Variants in FRMD3 observed in about 807,000 individuals in gnomAD.
FRMD3 encodes FERM domain containing 3.
A neutral mutation model predicts 70.2 loss-of-function variants in FRMD3; 33 were observed. That is an observed-to-expected ratio of 0.47 (90% CI 0.36 to 0.63). The LOEUF (loss-of-function observed/expected upper bound fraction) is 0.63. FRMD3 is among the 20% of genes least tolerant of loss of function. FRMD3 has a pLI of 0.00. For missense variants in FRMD3, 632 were observed against 711.4 expected (o/e 0.89, Z 1.27); for synonymous variants, 279 against 255.9 (o/e 1.09, Z -0.86).
intron 4 of FRMD3, among the ~76,000 whole-genome samples, chr9:83,345,617 C>T (rs748383365): frequency 6.6e-6 from 1 of 151,808 alleles, no homozygotes; most frequent in Non-Finnish European, 1.5e-5. Context: ...ATTAGTCGGG[C>T]GTGGTGGTGG....
chr9:83,550,687 A>AGTGTGTGTGTGTGT, the FRMD3 span, among the ~76,000 whole-genome samples: 156 of 138,958 alleles, frequency 1.1e-3, 1 homozygote, highest in Middle Eastern at 3.6e-3. Flanking sequence ...AGTCCTAGGT[A>AGTGTGTGTGTGTGT]GTGTGTGTGT....
chr9:83,460,415 G>A (rs1827936463), intron 1 of FRMD3, among the ~76,000 whole-genome samples: 1 of 152,020 alleles, frequency 6.6e-6, no homozygotes, highest in South Asian at 2.1e-4. Context: ...TATACTTTAA[G>A]TTCACCATCA....
At chr9:83,416,447 C>T (rs1400802434) in intron 1 of FRMD3, among the ~76,000 whole-genome samples, 1 of 152,174 alleles carries the variant, frequency 6.6e-6, no homozygotes, top group Non-Finnish European at 1.5e-5. Context: ...ATAATAACCT[C>T]GTATATTTAT....
chr9:83,494,856 TGTGCGCGCGC>T (rs911979390), intron 1 of FRMD3, among the ~76,000 whole-genome samples: 6 of 147,864 alleles, frequency 4.1e-5, no homozygotes, highest in Non-Finnish European at 6.0e-5. Flanking sequence ...TGTGTGTGTG[TGTGCGCGCGC>T]GCATGTGCGT....
At chr9:83,482,165 C>A (rs1023273281) in intron 1 of FRMD3, among the ~76,000 whole-genome samples, 4 of 152,162 alleles carry the variant, frequency 2.6e-5, no homozygotes, top group Non-Finnish European at 5.9e-5. Context: ...GGAAGGCGTT[C>A]GTTTACAGCG....
At position 83,517,453 on chromosome 9, in the gene FRMD3, C is replaced by T. The variant is rs540878159; in HGVS notation, c.147+20632G>A. Among the ~76,000 whole-genome samples the T allele has an allele frequency of 3.8e-5, 4 of 106,522 alleles. No individual in the cohort carries two copies. The South Asian group carries it at 1.3e-3, about 34-fold the overall frequency. 69.9% of individuals were successfully genotyped at this position (106,522 alleles called of 152,430 possible). A position where few individuals can be genotyped will look rare whatever the true frequency, so the allele number is the denominator to read the frequency against. On this transcript the variant is annotated intron_variant, in intron 1 of 13. Transcript: ENST00000304195. ...GTCGAATCCCTGAATAGACCAATAA[C>T]AAGTTCTGAAATTGAGGCAGTAACT...
At position 83,309,716 on chromosome 9, in the gene FRMD3, A is replaced by T. The variant is rs139352174; in HGVS notation, c.838-92T>A. 3 of 688,732 alleles carry T rather than the reference A, an allele frequency of 4.4e-6. No individual in the cohort carries two copies. In the African/African-American group the frequency reaches 5.4e-5, roughly 12 times the overall value. 42.7% of individuals were successfully genotyped at this position (688,732 alleles called of 1,614,324 possible). ...TTTTTTCAGGTGTTTACCTCTTTGT[A>T]TCCTATCTCCTATTACACAGACTTG... On this transcript the variant is annotated intron_variant, in intron 9 of 13. Transcript: ENST00000304195.
chr9:83,275,555 T>A (rs1057165229), intron 13 of FRMD3, among the ~76,000 whole-genome samples: 6 of 152,160 alleles, frequency 3.9e-5, no homozygotes, highest in Admixed American at 6.5e-5. Context: ...AAGCCACAAG[T>A]AGAGGAGATG....
chr9:83,439,759 G>C (rs1338381709), intron 1 of FRMD3, among the ~76,000 whole-genome samples: 1 of 152,174 alleles, frequency 6.6e-6, no homozygotes, highest in East Asian at 1.9e-4. Flanking sequence ...TGCCCAAAGT[G>C]TTTAAACTTT....
chr9:83,507,106 A>G (rs533194187), intron 1 of FRMD3, among the ~76,000 whole-genome samples: 1 of 152,144 alleles, frequency 6.6e-6, no homozygotes, highest in Non-Finnish European at 1.5e-5. Context: ...CACACCTGTA[A>G]TCCCAGCACT....
chr9:83,442,254 CTT>C (rs57472225), intron 1 of FRMD3, among the ~76,000 whole-genome samples: 2,596 of 121,424 alleles, frequency 0.021, 18 homozygotes, highest in Non-Finnish European at 0.025. Context: ...TTATACAGAT[CTT>C]TTTTTTTTTT....
At chr9:83,571,994 G>C in the FRMD3 span, among the ~76,000 whole-genome samples, 4 of 152,200 alleles carry the variant, frequency 2.6e-5, no homozygotes, top group African/African-American at 9.6e-5. Flanking sequence ...TAAATTTGGA[G>C]TAAGGCCCAA....
At chr9:83,490,802 A>T (rs542708935) in intron 1 of FRMD3, among the ~76,000 whole-genome samples, 205 of 133,918 alleles carry the variant, frequency 1.5e-3, no homozygotes, top group African/African-American at 5.3e-3. Context: ...TCTCTCTCAC[A>T]CACACACACA....
the FRMD3 span, among the ~76,000 whole-genome samples, chr9:83,543,603 CCACT>C: frequency 2.0e-5 from 3 of 152,148 alleles, no homozygotes; most frequent in African/African-American, 4.8e-5. Flanking sequence ...CCCTCAGCAC[CCACT>C]GAGATTGTGG....
intron 3 of FRMD3, among the ~76,000 whole-genome samples, chr9:83,357,187 T>C (rs1032093014): frequency 1.5e-5 from 2 of 132,566 alleles, no homozygotes; most frequent in Non-Finnish European, 3.2e-5. Context: ...ACATTATATA[T>C]ATTATGTATA....
chr9:83,445,811 A>C (rs1287672861), intron 1 of FRMD3, among the ~76,000 whole-genome samples: 1 of 152,202 alleles, frequency 6.6e-6, no homozygotes, highest in Non-Finnish European at 1.5e-5. Context: ...TTGATATAAG[A>C]AAAGGGGTGA....
intron 1 of FRMD3, among the ~76,000 whole-genome samples, chr9:83,390,967 A>T (rs553863781): frequency 1.5e-3 from 223 of 152,308 alleles, no homozygotes; most frequent in African/African-American, 5.2e-3. Context: ...TCCATTGACT[A>T]CTCAAGACCT....
At chr9:83,253,620 T>A (rs1475291716) in intron 13 of FRMD3, among the ~76,000 whole-genome samples, 1 of 152,126 alleles carries the variant, frequency 6.6e-6, no homozygotes, top group Non-Finnish European at 1.5e-5. Flanking sequence ...AAACAACAGG[T>A]GCTGGAGAGG....
intron 13 of FRMD3, chr9:83,266,973 C>A: frequency 1.3e-6 from 2 of 1,545,622 alleles, no homozygotes; most frequent in African/African-American, 1.4e-5. Context: ...AGCCCGCACA[C>A]TTCAGGAACA....
Sources: gnomAD v4.1 joint callset for allele counts (sites outside exome capture counted in the v4.1 genomes callset) on GRCh38, gnomAD v4.1.1 for gene constraint, MANE v1.5 for transcripts, NCBI Gene and HGNC (gene_info 2026-07-23, HGNC 2026-07-21) for gene names.